The following VAV1 variants were observed in gnomAD, a reference collection of about 807,000 sequenced individuals.
VAV1 encodes proto-oncogene vav.
VAV1 carries 33 observed loss-of-function variants against 128.1 expected under a neutral mutation model. The observed-to-expected ratio is 0.26, with a 90% CI of 0.20 to 0.34. VAV1 has a LOEUF of 0.34. VAV1 is among the 10% of genes least tolerant of loss of function. The pLI is 1.00. For synonymous variants in VAV1, 394 were observed against 409.8 expected (o/e 0.96, Z 0.47); for missense variants, 715 against 1,093.7 (o/e 0.65, Z 4.88).
chr19:6,828,433 C>A lies in VAV1; in HGVS notation c.1038C>A (p.His346Gln), dbSNP rs1480476651. 1.9e-6 allele frequency: 3 copies of A among 1,614,042 alleles called. 1 individual carries two copies. Among genetic ancestry groups the A allele is most frequent in the Non-Finnish European group, 2.5e-6 (3 of 1,180,040 alleles). ...GGTTCTCTCAGGAGCTGGTGAAACA[C>A]ACGCAGGAGGCGATGGAGAAGGAGA... The part of the protein sequence containing the change: ...YHLLLQELVK[H>Q]TQEAMEKENL... Residue 346 changes from histidine (H) to glutamine (Q), a missense_variant, in exon 11 of 27, where the codon CAC (histidine) becomes CAA (glutamine). His to Gln is a conservative substitution (Grantham distance 24). Coordinates refer to ENST00000602142, the MANE Select transcript of VAV1 (RefSeq NM_005428.4). The surrounding 1 kb of genome is among the most constrained non-coding windows in gnomAD (Gnocchi z 4.5).
chr19:6,827,047 A>G (rs1971935491), intron 9 of VAV1: 2 of 299,614 alleles, frequency 6.7e-6, no homozygotes, highest in African/African-American at 4.2e-5. Flanking sequence ...CTGAACCCCA[A>G]TTCCAACCAA....
intron 1 of VAV1, among the ~76,000 whole-genome samples, chr19:6,801,683 C>T (rs1029332548): frequency 3.3e-5 from 5 of 151,920 alleles, no homozygotes; most frequent in African/African-American, 1.2e-4. Context: ...GGTTTCCGGC[C>T]GGCTCCCTGG....
chr19:6,836,484 T>C lies in VAV1; in HGVS notation c.1830T>C (p.Pro610=), dbSNP rs1972223974. ...FQEYYGLPPP[P]GAIGPFLRLN... is the part of the protein sequence containing the mutation. ...AATACTACGGGCTTCCTCCACCCCC[T>C]GGAGCCATTGGACCCTTTCTACGGC... The change falls in exon 20 of 27, where the codon CCT becomes CCC. Residue 610 remains proline, a synonymous_variant. Transcript: ENST00000602142. The C allele has an allele frequency of 6.2e-7, 1 of 1,613,996 alleles. No individual in the cohort carries two copies. The highest frequency in any genetic ancestry group is 1.3e-5 in the African/African-American group (1 of 74,906).
chr19:6,797,998 T>G (rs1971176965), intron 1 of VAV1, among the ~76,000 whole-genome samples: 1 of 150,396 alleles, frequency 6.6e-6, no homozygotes, highest in South Asian at 2.1e-4. Context: ...AATACATTGG[T>G]GGGGCGCGGT....
chr19:6,805,737 C>T (rs2144739209), intron 1 of VAV1, among the ~76,000 whole-genome samples: 1 of 149,700 alleles, frequency 6.7e-6, no homozygotes, highest in African/African-American at 2.5e-5. Flanking sequence ...TTATACAGCT[C>T]ACACATATGT....
intron 26 of VAV1, among the ~76,000 whole-genome samples, 196 bp from the exon 27 acceptor site, chr19:6,856,858 A>G (rs994236475): frequency 7.3e-5 from 11 of 150,476 alleles, no homozygotes; most frequent in African/African-American, 2.7e-4. Flanking sequence ...TTAGGGAGGG[A>G]CTTTTAGGAG....
At chr19:6,846,106 G>T (rs1972515441) in intron 22 of VAV1, among the ~76,000 whole-genome samples, 1 of 148,314 alleles carries the variant, frequency 6.7e-6, no homozygotes, top group East Asian at 2.0e-4. Context: ...CATATTGTAC[G>T]TTATGTATTT....
At chr19:6,814,694 T>TCTCTCTCTCTCTCTCTCTC (rs1971597913) in intron 1 of VAV1, among the ~76,000 whole-genome samples, 1 of 127,724 alleles carries the variant, frequency 7.8e-6, no homozygotes, top group African/African-American at 3.4e-5. Flanking sequence ...CTTTCTTTCT[T>TCTCTCTCTCTCTCTCTCTC]TCTTTCTTTC....
In VAV1 at chr19:6,825,133, G is replaced by A. The variant is rs750861548; in HGVS notation, c.723+12G>A. ...TTATCAACATTGAGGTGAGCCGGCCGATCCCCAGCCCTCTTGGGTCTGTCT... is the reference window on the plus strand; with the variant it reads ...TTATCAACATTGAGGTGAGCCGGCCAATCCCCAGCCCTCTTGGGTCTGTCT... On this transcript the variant is annotated intron_variant, in intron 7 of 26. Transcript: ENST00000602142. 11 of 1,609,768 alleles carry A rather than the reference G, an allele frequency of 6.8e-6. No homozygotes were observed. The highest frequency in any genetic ancestry group is 1.3e-5 in the African/African-American group (1 of 74,844).
At chr19:6,855,751 C>T (rs1257871253) in intron 26 of VAV1, among the ~76,000 whole-genome samples, 1 of 152,118 alleles carries the variant, frequency 6.6e-6, no homozygotes, top group Non-Finnish European at 1.5e-5. Context: ...GACCACCATC[C>T]ACTCACCCTT....
In VAV1 at chr19:6,777,936, G is replaced by A. The variant is rs191103751; in HGVS notation, c.204+4925G>A. Among the ~76,000 whole-genome samples the A allele has an allele frequency of 2.4e-4, 37 of 152,232 alleles. No individual in the cohort carries two copies. The East Asian group carries it at 6.6e-3, about 27-fold the overall frequency. On this transcript the variant is annotated intron_variant, in intron 1 of 26. Coordinates refer to ENST00000602142, the MANE Select transcript of VAV1 (RefSeq NM_005428.4). This position sits in a 1 kb window ranked among gnomAD's most constrained non-coding sequence, Gnocchi z 4.4. ...CTGCAGCAGCCTCCTGAGTATCTGG[G>A]ATTACAGGCGCCTGCCACCACGCCT...
chr19:6,789,812 T>A (rs1970977612), intron 1 of VAV1, among the ~76,000 whole-genome samples: 1 of 151,760 alleles, frequency 6.6e-6, no homozygotes, highest in African/African-American at 2.4e-5. Flanking sequence ...TTGGCCAGGC[T>A]GGTCTGGAAC....
chr19:6,833,391 C>A, intron 16 of VAV1, 106 bp downstream of exon 16: 1 of 1,381,284 alleles, frequency 7.2e-7, no homozygotes, highest in Non-Finnish European at 1.0e-6. Flanking sequence ...TGGGGGAGTC[C>A]CTACTTTGAT....
chr19:6,781,796 C>G (rs2144695768), intron 1 of VAV1, among the ~76,000 whole-genome samples: 1 of 152,124 alleles, frequency 6.6e-6, no homozygotes, highest in African/African-American at 2.4e-5. Context: ...TTAGTAGAGA[C>G]AGGGTTTCGC....
At chr19:6,846,637 A>G (rs1972529092) in intron 22 of VAV1, among the ~76,000 whole-genome samples, 2 of 148,860 alleles carry the variant, frequency 1.3e-5, no homozygotes, top group Admixed American at 1.4e-4. Context: ...ATTTACATTT[A>G]TAATATATTG....
In VAV1 at chr19:6,772,861, G is replaced by T. The variant is rs45448796; in HGVS notation, c.54G>T (p.Pro18=). The T allele has an allele frequency of 6.4e-5, 104 of 1,614,012 alleles. No homozygotes were observed. In the African/African-American group the frequency reaches 9.9e-4, roughly 15 times the overall value. ...THWLIQCRVL[P]PSHRVTWDGA... ...GGCTCATCCAGTGCCGGGTGCTGCC[G>T]CCCAGCCACCGCGTGACCTGGGATG... The change falls in exon 1 of 27, where the codon CCG becomes CCT. Residue 18 remains proline, a synonymous_variant. Coordinates refer to ENST00000602142, the MANE Select transcript of VAV1 (RefSeq NM_005428.4). This position sits in a 1 kb window ranked among gnomAD's most constrained non-coding sequence, Gnocchi z 4.8.
At chr19:6,800,603 C>T (rs1971243791) in intron 1 of VAV1, among the ~76,000 whole-genome samples, 1 of 151,714 alleles carries the variant, frequency 6.6e-6, no homozygotes, top group Admixed American at 6.6e-5. Context: ...AGCCACCACA[C>T]CCAGCTTCTT....
In VAV1 at chr19:6,826,641, A is replaced by G. The variant is rs1230009851; in HGVS notation, c.857A>G (p.Gln286Arg). 1 of 1,559,108 alleles carries G rather than the reference A, an allele frequency of 6.4e-7. No individual in the cohort carries two copies. Residue 286 changes from glutamine to arginine, a missense_variant, in exon 9 of 27, where the codon CAG (glutamine) becomes CGG (arginine). This residue lies in a region of VAV1 where 302 missense variants were observed against 477.8 expected (regional missense o/e 0.63). Coordinates refer to ENST00000602142, the MANE Select transcript of VAV1 (RefSeq NM_005428.4). This position sits in a 1 kb window ranked among gnomAD's most constrained non-coding sequence, Gnocchi z 4.1. The stretch of plus-strand genomic sequence containing the variant: ...CTCGTCTATGGCCGCTACTGCAGCC[A>G]GGTGGAGTCAGCCAGCAAACACCTG... ...RFLVYGRYCS[Q>R]VESASKHLDR... is the part of the protein sequence containing the mutation.
At chr19:6,841,935 A>G (rs1972387193) in intron 21 of VAV1, among the ~76,000 whole-genome samples, 1 of 151,926 alleles carries the variant, frequency 6.6e-6, no homozygotes, top group Non-Finnish European at 1.5e-5. Context: ...AGTGAAAGTG[A>G]GCACTTTCGG....
Sources: gnomAD v4.1 joint callset for allele counts (sites outside exome capture counted in the v4.1 genomes callset) on GRCh38, gnomAD v4.1.1 for gene constraint, gnomAD v4.1.1 regional missense constraint, Gnocchi (gnomAD v3.1) non-coding constraint, MANE v1.5 for transcripts, NCBI Gene and HGNC (gene_info 2026-07-23, HGNC 2026-07-21) for gene names.